USP29: variants seen among roughly 807,000 people sequenced by gnomAD.
USP29 encodes ubiquitin carboxyl-terminal hydrolase 29.
For synonymous variants in USP29, 386 were observed against 387.4 expected, an observed-to-expected ratio of 1.00 and a Z score of 0.04; for missense variants, 1,102 against 1,069.0, an observed-to-expected ratio of 1.03 and a Z score of -0.43.
At chr19:57,128,089 G>A (rs568196261) in intron 3 of USP29, among the ~76,000 whole-genome samples, 1 of 152,114 alleles carries the variant, frequency 6.6e-6, no homozygotes, top group East Asian at 1.9e-4. Flanking sequence ...CCCTCCATGG[G>A]TTGCACCCAC....
intron 2 of USP29, among the ~76,000 whole-genome samples, chr19:57,123,516 T>C (rs1048298499): frequency 6.6e-6 from 1 of 152,112 alleles, no homozygotes; most frequent in Non-Finnish European, 1.5e-5. Flanking sequence ...CTCAGGAGGG[T>C]TGAGTTTCAG....
intron 1 of USP29, among the ~76,000 whole-genome samples, chr19:57,121,145 A>T (rs921807486): frequency 2.0e-5 from 3 of 151,546 alleles, no homozygotes; most frequent in African/African-American, 7.3e-5. Flanking sequence ...ATGCACTGCA[A>T]TAGAAAAATA....
chr19:57,129,055 A>T lies in USP29; in HGVS notation c.380A>T (p.Lys127Met). The stretch of plus-strand genomic sequence containing the variant: ...GTGTTTGAAAGCAGGAATATGCTGA[A>T]GGAAATTGACAAAACTTCATTTTAC... ...WSVFESRNML[K>M]EIDKTSFYSI... Residue 127 changes from lysine (K) to methionine (M), a missense_variant, in exon 4 of 4, where the codon AAG (lysine) becomes ATG (methionine). Coordinates refer to ENST00000254181, the MANE Select transcript of USP29 (RefSeq NM_020903.3). 11 of 1,613,118 alleles carry T rather than the reference A, an allele frequency of 6.8e-6. No individual in the cohort carries two copies. The highest frequency in any genetic ancestry group is 9.3e-6 in the Non-Finnish European group (11 of 1,179,680).
chr19:57,127,523 TTGCCA>T (rs1198384768), intron 3 of USP29, among the ~76,000 whole-genome samples: 1 of 152,148 alleles, frequency 6.6e-6, no homozygotes, highest in Non-Finnish European at 1.5e-5. Flanking sequence ...CACAGCTGCT[TTGCCA>T]TGCTGTGGTG....
chr19:57,130,622 C>G lies in USP29; in HGVS notation c.1947C>G (p.Asp649Glu), dbSNP rs754028995. The change falls in exon 4 of 4, where the codon GAC (aspartate) becomes GAG (glutamate). Residue 649 changes from aspartate to glutamate, a missense_variant. Transcript: ENST00000254181. ...GTGAAAAGGAGCTTCCAGTGGCTGACTCACTGATGGACCAGGGAGACATTT... is the reference window on the plus strand; with the variant it reads ...GTGAAAAGGAGCTTCCAGTGGCTGAGTCACTGATGGACCAGGGAGACATTT... ...AIGEKELPVA[D>E]SLMDQGDISL... 6.2e-7 allele frequency: 1 copy of G among 1,614,180 alleles called. No individual in the cohort carries two copies. Among genetic ancestry groups the G allele is most frequent in the Middle Eastern group, 1.6e-4 (1 of 6,062 alleles).
chr19:57,127,741 G>A (rs780527601), intron 3 of USP29, among the ~76,000 whole-genome samples: 1 of 152,154 alleles, frequency 6.6e-6, no homozygotes, highest in South Asian at 2.1e-4. Flanking sequence ...TGCTGAGTGA[G>A]ATCACTTGGC....
chr19:57,119,328 G>A (rs968465942), upstream of USP29: 3 of 152,248 alleles, frequency 2.0e-5, no homozygotes, highest in African/African-American at 7.2e-5. Flanking sequence ...ATTCACGGGT[G>A]GCTGAGGCAA....
chr19:57,121,476 A>C (rs1435599078), intron 1 of USP29, among the ~76,000 whole-genome samples: 1 of 144,986 alleles, frequency 6.9e-6, no homozygotes, highest in East Asian at 2.0e-4. Context: ...CATGTTATAC[A>C]TACTTATATG....
At position 57,131,370 on chromosome 19, in the gene USP29, C is replaced by G. The variant is rs766605798; in HGVS notation, c.2695C>G (p.Arg899Gly). The G allele has an allele frequency of 3.7e-6, 6 of 1,614,002 alleles. No individual in the cohort carries two copies. The African/African-American group carries it at 6.7e-5, about 18-fold the overall frequency. Residue 899 changes from arginine to glycine, a missense_variant, in exon 4 of 4, where the codon CGG becomes GGG. Arg to Gly is a moderately radical substitution (Grantham distance 125). Transcript: ENST00000254181. ...GCTGTTAAGAAAAGCAGAGAACTCT[C>G]GGCTACCTAGCACACAGGCAGGGGT... Reference protein sequence around the residue: ...EELLRKAENSRLPSTQAGVIP... With the variant: ...EELLRKAENSGLPSTQAGVIP...
chr19:57,129,940 G>T lies in USP29; in HGVS notation c.1265G>T (p.Cys422Phe), dbSNP rs1248588263. 1 of 1,614,116 alleles carries T rather than the reference G, an allele frequency of 6.2e-7. No individual in the cohort carries two copies. Among genetic ancestry groups the T allele is most frequent in the East Asian group, 2.2e-5 (1 of 44,878 alleles). ...AGTGCTGCCACCAAAGTGTTTGTTT[G>T]CCCTGTTGTTGCTAATTTTGAGTTT... Reference protein sequence around the residue: ...VGSAATKVFVCPVVANFEFEL... With the variant: ...VGSAATKVFVFPVVANFEFEL... Residue 422 changes from cysteine to phenylalanine, a missense_variant, in exon 4 of 4, where the codon TGC becomes TTC. Physicochemically the swap from Cys to Phe is radical, Grantham distance 205 (BLOSUM62 -2). Coordinates refer to ENST00000254181, the MANE Select transcript of USP29 (RefSeq NM_020903.3).
intron 3 of USP29, among the ~76,000 whole-genome samples, chr19:57,126,859 CGTT>C: frequency 6.6e-6 from 1 of 152,186 alleles, no homozygotes; most frequent in South Asian, 2.1e-4. Context: ...GATTTTTCAG[CGTT>C]GTTGTGCTGG....
intron 2 of USP29, 38 bp downstream of exon 2, chr19:57,122,512 GAT>G (rs1491508448): frequency 3.5e-5 from 3 of 86,620 alleles, no homozygotes; most frequent in Non-Finnish European, 5.4e-5. Flanking sequence ...TGGGTGATGG[GAT>G]GTGTGTGTGT....
In USP29 at chr19:57,129,493, A is replaced by T. The variant is rs1465297258; in HGVS notation, c.818A>T (p.Gln273Leu). The T allele has an allele frequency of 8.7e-6, 14 of 1,614,128 alleles. No homozygotes were observed. Among genetic ancestry groups the T allele is most frequent in the African/African-American group, 1.3e-5 (1 of 74,948 alleles). The change falls in exon 4 of 4, where the codon CAG (glutamine) becomes CTG (leucine). Residue 273 changes from glutamine (Q) to leucine (L), a missense_variant. Transcript: ENST00000254181. ...GGTGACCCAAGATGCAACAAAGCCCAGGTGCCTCTTGACTCTCATTCACAG... is the reference window on the plus strand; with the variant it reads ...GGTGACCCAAGATGCAACAAAGCCCTGGTGCCTCTTGACTCTCATTCACAG... The part of the protein sequence containing the change: ...SQGDPRCNKA[Q>L]VPLDSHSQQL...
At position 57,129,624 on chromosome 19, in the gene USP29, G is replaced by A; in HGVS notation, c.949G>A (p.Gly317Ser). 1 of 1,614,170 alleles carries A rather than the reference G, an allele frequency of 6.2e-7. No homozygotes were observed. The highest frequency in any genetic ancestry group is 8.5e-7 in the Non-Finnish European group (1 of 1,180,042). The change falls in exon 4 of 4, where the codon GGT (glycine) becomes AGT (serine). Residue 317 changes from glycine (G) to serine (S), a missense_variant. Physicochemically the swap from Gly to Ser is moderately conservative, Grantham distance 56. Coordinates refer to ENST00000254181, the MANE Select transcript of USP29 (RefSeq NM_020903.3). ...PSFADDLLTQ[G>S]VPWEYIPFEA... The stretch of plus-strand genomic sequence containing the variant: ...TTTTGCTGATGACTTACTCACTCAA[G>A]GTGTCCCATGGGAATATATTCCCTT...
chr19:57,129,585 T>C lies in USP29; in HGVS notation c.910T>C (p.Phe304Leu). 2 of 1,614,230 alleles carry C rather than the reference T, an allele frequency of 1.2e-6. No individual in the cohort carries two copies. Among genetic ancestry groups the C allele is most frequent in the East Asian group, 2.2e-5 (1 of 44,880 alleles). Reference protein sequence around the residue: ...CYMNAVLQSLFAIPSFADDLL... With the variant: ...CYMNAVLQSLLAIPSFADDLL... ...CATGAATGCAGTTTTACAATCGCTA[T>C]TTGCAATTCCATCTTTTGCTGATGA... The change falls in exon 4 of 4, where the codon TTT becomes CTT. Residue 304 changes from phenylalanine (F) to leucine (L), a missense_variant. Coordinates refer to ENST00000254181, the MANE Select transcript of USP29 (RefSeq NM_020903.3).
chr19:57,129,121 T>G lies in USP29; in HGVS notation c.446T>G (p.Phe149Cys), dbSNP rs1227652481. 6.2e-7 allele frequency: 1 copy of G among 1,612,894 alleles called. No homozygotes were observed. Among genetic ancestry groups the G allele is most frequent in the African/African-American group, 1.3e-5 (1 of 74,876 alleles). The change falls in exon 4 of 4, where the codon TTT becomes TGT. Residue 149 changes from phenylalanine (F) to cysteine (C), a missense_variant. By Grantham distance (205) the Phe-to-Cys change is radical (BLOSUM62 -2). Transcript: ENST00000254181. The stretch of plus-strand genomic sequence containing the variant: ...CCAAGTTATCAGAAGATGCCTTTGT[T>G]TATGTCAAAATCACCAACACATGTG... ...NKPSYQKMPL[F>C]MSKSPTHVKK...
chr19:57,127,235 C>T (rs187132314), intron 3 of USP29, among the ~76,000 whole-genome samples: 155 of 152,292 alleles, frequency 1.0e-3, no homozygotes, highest in African/African-American at 3.6e-3. Flanking sequence ...TTAGAAGGCA[C>T]GGGGGTCAGG....
At chr19:57,127,189 G>A (rs1232121351) in intron 3 of USP29, among the ~76,000 whole-genome samples, 2 of 152,190 alleles carry the variant, frequency 1.3e-5, no homozygotes, top group Admixed American at 1.3e-4. Context: ...TCCTGCATGA[G>A]GTGTCTCTCA....
intron 3 of USP29, among the ~76,000 whole-genome samples, chr19:57,124,774 G>T (rs2086815518): frequency 6.6e-6 from 1 of 152,108 alleles, no homozygotes; most frequent in African/African-American, 2.4e-5. Flanking sequence ...CTCCCAAAGT[G>T]CTGGGATTAC....
Sources: allele counts gnomAD v4.1 joint callset (sites outside exome capture counted in the v4.1 genomes callset), GRCh38; gene constraint gnomAD v4.1.1; transcripts MANE v1.5; gene names NCBI Gene and HGNC (gene_info 2026-07-23, HGNC 2026-07-21).